Variants in PCDHA9 observed in about 807,000 individuals in gnomAD.
PCDHA9 encodes protocadherin alpha 9.
A neutral mutation model predicts 62.0 loss-of-function variants in PCDHA9; 62 were observed. The observed-to-expected ratio is 1.00, with a 90% CI of 0.81 to 1.23. The LOEUF is 1.23. PCDHA9 is among the 50% of genes most tolerant of loss of function. The probability of loss-of-function intolerance (pLI) is 0.00; values close to 1 mark genes in which losing one functional copy is unlikely to be tolerated. For missense variants in PCDHA9, 1,205 were observed against 1,249.8 expected, an observed-to-expected ratio of 0.96 and a Z score of 0.54; for synonymous variants, 557 against 567.6, an observed-to-expected ratio of 0.98 and a Z score of 0.27.
At chr5:140,992,236 G>A (rs1431521103) in intron 3 of PCDHA9, among the ~76,000 whole-genome samples, 1 of 152,168 alleles carries the variant, frequency 6.6e-6, no homozygotes, top group African/African-American at 2.4e-5. Context: ...GAAGAGTAAG[G>A]AAGGAAGTAG....
intron 1 of PCDHA9, among the ~76,000 whole-genome samples, chr5:140,976,181 A>G (rs1334452758): frequency 6.6e-6 from 1 of 152,208 alleles, no homozygotes; most frequent in Non-Finnish European, 1.5e-5. Flanking sequence ...ATTGTTTTAA[A>G]TCAATATCCT....
At chr5:140,967,406 G>A in intron 1 of PCDHA9, 1 of 1,613,006 alleles carries the variant, frequency 6.2e-7, no homozygotes, top group Non-Finnish European at 8.5e-7. Flanking sequence ...GCTGCGTAAG[G>A]GCCTAGACCG....
chr5:140,853,678 AC>A, intron 1 of PCDHA9: 1 of 988,418 alleles, frequency 1.0e-6, no homozygotes, highest in Non-Finnish European at 1.2e-6. Context: ...CCTATGGTCA[AC>A]CTATCCTTAG....
chr5:141,008,074 G>A (rs1484978543), intron 3 of PCDHA9, among the ~76,000 whole-genome samples: 1 of 151,988 alleles, frequency 6.6e-6, no homozygotes, highest in Non-Finnish European at 1.5e-5. Flanking sequence ...AGAACTTATT[G>A]GGGTTATTCT....
In PCDHA9 at chr5:140,928,306, C is replaced by T. The variant is rs782598364; in HGVS notation, c.2395-50643C>T. 7.6e-5 allele frequency: 122 copies of T among 1,613,984 alleles called. No individual in the cohort carries two copies. The highest frequency in any genetic ancestry group is 1.8e-4 in the Admixed American group (11 of 60,002). ...TCTAGGCCGAGTGTTTGCCCAGGAC[C>T]CCGACCTGGGGAAGAATGGCCTTGT... is the stretch of plus-strand genomic sequence containing the variant. On this transcript the variant is annotated intron_variant, in intron 1 of 3. Coordinates refer to ENST00000532602, the MANE Select transcript of PCDHA9 (RefSeq NM_031857.2).
chr5:140,886,401 A>G (rs2060965059), intron 1 of PCDHA9, among the ~76,000 whole-genome samples: 1 of 152,174 alleles, frequency 6.6e-6, no homozygotes, highest in African/African-American at 2.4e-5. Flanking sequence ...TGCATCACAA[A>G]TATGTTTTCC....
chr5:140,950,919 T>TCCACA (rs1554219687), intron 1 of PCDHA9, among the ~76,000 whole-genome samples: 4 of 152,198 alleles, frequency 2.6e-5, no homozygotes, highest in African/African-American at 9.6e-5. Context: ...TTTATTTCAG[T>TCCACA]TCTTTTTCTT....
At position 140,850,270 on chromosome 5, in the gene PCDHA9, G is replaced by A. The variant is rs782505254; in HGVS notation, c.1775G>A (p.Gly592Glu). ...TCGGTGGGCGCCGGCGTAGTGGTGG[G>A]GAAGGTGCGCGCAGTGGACGCCGAC... is the stretch of plus-strand genomic sequence containing the variant. ...LRSVGAGVVV[G>E]KVRAVDADSG... Residue 592 changes from glycine to glutamate, a missense_variant, in exon 1 of 4, where the codon GGG (glycine) becomes GAG (glutamate). This residue lies in a region of PCDHA9 where 887 missense variants were observed against 809.5 expected (regional missense o/e 1.10). Transcript: ENST00000532602. The A allele has an allele frequency of 6.3e-7, 1 of 1,594,948 alleles. No homozygotes were observed. Among genetic ancestry groups the A allele is most frequent in the African/African-American group, 1.3e-5 (1 of 74,170 alleles).
rs190994194 is a variant in PCDHA9, at chr5:140,913,276, C to T, written c.2394+62387C>T. On this transcript the variant is annotated intron_variant, in intron 1 of 3. Transcript: ENST00000532602. ...TTTGATCTAATTACTTGTTATTGGTCTGTTTAGGTTTTAATTTCTTCATAG... is the reference window on the plus strand; with the variant it reads ...TTTGATCTAATTACTTGTTATTGGTTTGTTTAGGTTTTAATTTCTTCATAG... Among the ~76,000 whole-genome samples, 291 of 152,186 alleles carry T rather than the reference C, an allele frequency of 1.9e-3. 1 individual carries two copies. The highest frequency in any genetic ancestry group is 0.01 in the Middle Eastern group (3 of 294).
chr5:140,862,480 G>A (rs1293172271), intron 1 of PCDHA9: 1 of 381,094 alleles, frequency 2.6e-6, no homozygotes, highest in East Asian at 7.1e-5. Flanking sequence ...TCTATCCATT[G>A]TTGGTAATCG....
At chr5:140,917,336 G>T (rs1183036523) in intron 1 of PCDHA9, among the ~76,000 whole-genome samples, 1 of 144,856 alleles carries the variant, frequency 6.9e-6, no homozygotes, top group Non-Finnish European at 1.5e-5. Context: ...GGGGAGGGGG[G>T]GGATGGTGTA....
At position 140,871,191 on chromosome 5, in the gene PCDHA9, C is replaced by A. The variant is rs370303558; in HGVS notation, c.2394+20302C>A. The A allele has an allele frequency of 2.4e-5, 38 of 1,613,538 alleles. No individual in the cohort carries two copies. The African/African-American group carries it at 4.4e-4, about 19-fold the overall frequency. ...CAGAGGCTGCGCTGGTGGATGTCAA[C>A]GTGTACCTGATCATCGCCATCTGCG... On this transcript the variant is annotated intron_variant, in intron 1 of 3. Transcript: ENST00000532602.
chr5:140,887,497 A>G (rs981649331), intron 1 of PCDHA9, among the ~76,000 whole-genome samples: 1 of 152,150 alleles, frequency 6.6e-6, no homozygotes, highest in Admixed American at 6.5e-5. Context: ...ATAGTTTCTA[A>G]TAAGATGTTT....
intron 1 of PCDHA9, among the ~76,000 whole-genome samples, chr5:140,925,244 G>A (rs1403438242): frequency 1.3e-5 from 2 of 152,070 alleles, no homozygotes; most frequent in African/African-American, 4.8e-5. Context: ...AATATGTCCT[G>A]GAAACTTTAA....
intron 3 of PCDHA9, among the ~76,000 whole-genome samples, chr5:140,988,630 G>A (rs184253041): frequency 3.1e-4 from 47 of 152,192 alleles, no homozygotes; most frequent in African/African-American, 1.1e-3. Context: ...AGATGTCCTG[G>A]TTTTCTGAAA....
At chr5:140,940,795 A>G (rs2153647229) in intron 1 of PCDHA9, among the ~76,000 whole-genome samples, 1 of 152,276 alleles carries the variant, frequency 6.6e-6, no homozygotes, top group Non-Finnish European at 1.5e-5. Flanking sequence ...TGAAAATGAT[A>G]TTTGCCAGGA....
intron 1 of PCDHA9, among the ~76,000 whole-genome samples, chr5:140,893,642 T>C (rs1479834135): frequency 1.3e-5 from 2 of 152,230 alleles, no homozygotes; most frequent in African/African-American, 2.4e-5. Context: ...TATAGTATTT[T>C]TGGCTGATAG....
intron 1 of PCDHA9, chr5:140,883,112 A>T (rs141106500): frequency 1.9e-6 from 3 of 1,614,156 alleles, no homozygotes; most frequent in Non-Finnish European, 2.5e-6. Context: ...TTACTCATTT[A>T]GAAGGCCTGT....
chr5:140,856,154 G>C lies in PCDHA9; in HGVS notation c.2394+5265G>C, dbSNP rs147800828. The stretch of plus-strand genomic sequence containing the variant: ...CGGCCAGCTCCACTACTCAGTCTAC[G>C]AGGAGGCCAGACACGGCACCTTCGT... On this transcript the variant is annotated intron_variant, in intron 1 of 3. Transcript: ENST00000532602. 5.9e-5 allele frequency: 95 copies of C among 1,598,194 alleles called. 6 individuals are homozygous for C. The highest frequency in any genetic ancestry group is 7.7e-5 in the Non-Finnish European group (90 of 1,167,888).
Sources: allele counts gnomAD v4.1 joint callset (sites outside exome capture counted in the v4.1 genomes callset), GRCh38; gene constraint gnomAD v4.1.1; regional missense constraint gnomAD v4.1.1; transcripts MANE v1.5; gene names NCBI Gene and HGNC (gene_info 2026-07-23, HGNC 2026-07-21).